The following SH2B2 variants were observed in gnomAD, a reference collection of about 807,000 sequenced individuals.
SH2B2 encodes SH2B adapter protein 2.
SH2B2 carries 37 observed loss-of-function variants against 35.7 expected under a neutral mutation model. That is an observed-to-expected ratio of 1.04 (90% CI 0.80 to 1.36). The LOEUF is 1.36. Among genes scored for constraint, SH2B2 ranks in the 40% most tolerant of loss-of-function variants. The probability of loss-of-function intolerance (pLI) is 0.00; values close to 1 mark genes in which losing one functional copy is unlikely to be tolerated. For synonymous variants in SH2B2, 383 were observed against 376.4 expected (o/e 1.02, Z -0.20); for missense variants, 852 against 817.7 (o/e 1.04, Z -0.51).
At chr7:102,286,297 CGAGATTTAT>C (rs1325326803), upstream of SH2B2, among the ~76,000 whole-genome samples, 1 of 152,108 alleles carries the variant, frequency 6.6e-6, no homozygotes, top group Non-Finnish European at 1.5e-5. Flanking sequence ...GTGGCGCCCT[CGAGATTTAT>C]GAGAACCAGG....
At chr7:102,321,235 G>A in intron 8 of SH2B2, 64 bp from the exon 9 acceptor site, 1 of 1,274,494 alleles carries the variant, frequency 7.8e-7, no homozygotes, top group East Asian at 3.4e-5. Context: ...GAGGGATCCC[G>A]GCCTCCCTGC....
Position 102,317,370 on chromosome 7 carries a change from C to A in SH2B2, c.1370C>A (p.Thr457Asn). Residue 457 changes from threonine (T) to asparagine (N), a missense_variant, in exon 7 of 9, where the codon ACC becomes AAC. Thr to Asn is a moderately conservative substitution (Grantham distance 65, BLOSUM62 0). Around this residue, in one of 3 missense-constraint regions of SH2B2, gnomAD observed 556 missense variants for 514.5 expected, o/e 1.08. Coordinates refer to ENST00000444095, the MANE Select transcript of SH2B2 (RefSeq NM_001359228.2). Reference protein sequence around the residue: ...SETRPGEYVLTFNFQGKAKHL... With the variant: ...SETRPGEYVLNFNFQGKAKHL... ...ACTCGGCCTGGGGAGTACGTGCTGA[C>A]CTTCAACTTCCAGGGCAAGGCCAAG... 1 of 1,589,698 alleles carries A rather than the reference C, an allele frequency of 6.3e-7. No individual in the cohort carries two copies. Among genetic ancestry groups the A allele is most frequent in the Admixed American group, 1.7e-5 (1 of 59,060 alleles).
chr7:102,308,967 T>C, intron 4 of SH2B2, 61 bp downstream of exon 4: 1 of 1,324,280 alleles, frequency 7.6e-7, no homozygotes, highest in Non-Finnish European at 1.1e-6. Flanking sequence ...GGTCCAGCCT[T>C]CACCAGGAGC....
intron 7 of SH2B2, 36 bp from the exon 8 acceptor site, chr7:102,320,295 G>A (rs782777611): frequency 1.7e-5 from 26 of 1,569,618 alleles, no homozygotes; most frequent in Middle Eastern, 1.7e-4. Context: ...GCCCAGCCCC[G>A]GACCTGCCCC....
rs1248211840 is a variant in SH2B2, at chr7:102,319,796, G to C, written c.1396-535G>C. On this transcript the variant is annotated intron_variant, in intron 7 of 8. Coordinates refer to ENST00000444095, the MANE Select transcript of SH2B2 (RefSeq NM_001359228.2). The stretch of plus-strand genomic sequence containing the variant: ...CTCACACAGGCCCTAGAGACCTAGA[G>C]AGAAGCCAGCCCTGTTCCAGCTGTT... Among the ~76,000 whole-genome samples, 11 of 152,286 alleles carry C rather than the reference G, an allele frequency of 7.2e-5. No homozygotes were observed. The East Asian group carries it at 2.1e-3, about 29-fold the overall frequency.
intron 6 of SH2B2, 46 bp from the exon 7 acceptor site, chr7:102,317,141 C>A: frequency 6.8e-7 from 1 of 1,461,328 alleles, no homozygotes; most frequent in Non-Finnish European, 9.3e-7. Flanking sequence ...ATTTGTCCCC[C>A]TTTCTCCTTC....
chr7:102,316,500 T>C (rs1793833295), intron 6 of SH2B2, among the ~76,000 whole-genome samples: 3 of 151,834 alleles, frequency 2.0e-5, no homozygotes, highest in Admixed American at 2.0e-4. Context: ...GGCAGGAGAA[T>C]CACTAGAACC....
intron 2 of SH2B2, among the ~76,000 whole-genome samples, chr7:102,304,782 C>T (rs1235439853): frequency 6.6e-6 from 1 of 152,350 alleles, no homozygotes; most frequent in African/African-American, 2.4e-5. Flanking sequence ...CCCCGCTGGC[C>T]GGCACGATGG....
intron 7 of SH2B2, 92 bp downstream of exon 7, chr7:102,317,487 G>A: frequency 8.3e-7 from 1 of 1,207,620 alleles, no homozygotes; most frequent in Non-Finnish European, 1.1e-6. Flanking sequence ...TGCCCTGGAA[G>A]CAGCTGCAGG....
intron 4 of SH2B2, among the ~76,000 whole-genome samples, chr7:102,313,338 C>T (rs1024670489): frequency 6.6e-6 from 1 of 151,696 alleles, no homozygotes; most frequent in Admixed American, 6.6e-5. Flanking sequence ...ATCCCAGCTA[C>T]TCAGGAGGCT....
chr7:102,312,528 T>C (rs1793666855), intron 4 of SH2B2, among the ~76,000 whole-genome samples: 1 of 152,190 alleles, frequency 6.6e-6, no homozygotes, highest in African/African-American at 2.4e-5. Flanking sequence ...AGATTCTTCT[T>C]GGCCTCTCTG....
Position 102,297,420 on chromosome 7 carries a change from C to T in SH2B2, c.-29-3102C>T, listed in dbSNP as rs1381105285. On this transcript the variant is annotated intron_variant, in intron 1 of 8. Coordinates refer to ENST00000444095, the MANE Select transcript of SH2B2 (RefSeq NM_001359228.2). This position sits in a 1 kb window ranked among gnomAD's most constrained non-coding sequence, Gnocchi z 4.3. ...ACACACACACACACACACACACACACACACACACACGCAGTATACAGAGGT... is the reference window on the plus strand; with the variant it reads ...ACACACACACACACACACACACACATACACACACACGCAGTATACAGAGGT... Among the ~76,000 whole-genome samples, 3 of 151,902 alleles carry T rather than the reference C, an allele frequency of 2.0e-5. No individual in the cohort carries two copies. The highest frequency in any genetic ancestry group is 4.4e-5 in the Non-Finnish European group (3 of 67,978).
chr7:102,293,015 G>T (rs1407005973), intron 1 of SH2B2: 2 of 152,940 alleles, frequency 1.3e-5, no homozygotes, highest in East Asian at 1.9e-4. Context: ...GAGGTGGGGG[G>T]TGCCAGCTGG....
At position 102,302,093 on chromosome 7, in the gene SH2B2, A is replaced by G. The variant is rs140217558; in HGVS notation, c.729+814A>G. On this transcript the variant is annotated intron_variant, in intron 2 of 8. Transcript: ENST00000444095. Reference sequence around the variant, plus strand: ...CAAGTGGTCTGGAACTCCTGAGCTCAAGAGATCCTCCCCCACCTTGGCCTC... The same window carrying G: ...CAAGTGGTCTGGAACTCCTGAGCTCGAGAGATCCTCCCCCACCTTGGCCTC... Among the ~76,000 whole-genome samples, 865 of 152,314 alleles carry G rather than the reference A, an allele frequency of 5.7e-3. 8 individuals carry two copies. Among genetic ancestry groups the G allele is most frequent in the African/African-American group, 0.02 (816 of 41,580 alleles).
In SH2B2 at chr7:102,320,465, C is replaced by T. The variant is rs1554558179; in HGVS notation, c.1530C>T (p.Thr510=). ...AGTCAGGGGGCTCGGCCGACATCAC[C>T]CTTCGCAGCTATGTGCGGGCCCAGG... is the stretch of plus-strand genomic sequence containing the variant. The part of the protein sequence containing the change: ...PLESGGSADI[T]LRSYVRAQDP... The change falls in exon 8 of 9, where the codon ACC becomes ACT. Residue 510 remains threonine (T), a synonymous_variant. Transcript: ENST00000444095. The T allele has an allele frequency of 6.2e-7, 1 of 1,613,702 alleles. No individual in the cohort carries two copies.
chr7:102,297,772 C>CT lies in SH2B2; in HGVS notation c.-29-2748dup, dbSNP rs1313404023. 6.6e-6 allele frequency among the ~76,000 whole-genome samples: 1 copy of CT among 151,996 alleles called. No individual in the cohort carries two copies. The highest frequency in any genetic ancestry group is 2.4e-5 in the African/African-American group (1 of 41,352). On this transcript the variant is annotated intron_variant, in intron 1 of 8. Transcript: ENST00000444095. This position sits in a 1 kb window ranked among gnomAD's most constrained non-coding sequence, Gnocchi z 4.3. The stretch of plus-strand genomic sequence containing the variant: ...CTTCTAGGACTGGCAAAATCCCTGC[C>CT]TTGTGAAACTGGCATTCTCGGGGGA...
intron 7 of SH2B2, 54 bp from the exon 8 acceptor site, chr7:102,320,277 A>G (rs1356866292): frequency 6.9e-7 from 1 of 1,452,980 alleles, no homozygotes; most frequent in Non-Finnish European, 9.5e-7. Flanking sequence ...AAAGGCGCTT[A>G]CCCAGGTGCC....
intron 6 of SH2B2, among the ~76,000 whole-genome samples, chr7:102,315,760 AAAG>A (rs1586601835): frequency 4.4e-5 from 6 of 135,012 alleles, no homozygotes; most frequent in Admixed American, 1.5e-4. Context: ...AAAAAAAAAA[AAAG>A]AAAAGAAAAG....
intron 1 of SH2B2, among the ~76,000 whole-genome samples, chr7:102,299,197 C>CTATTTTTTTTTTTTTTTTTTTTT (rs1793047629): frequency 4.1e-5 from 1 of 24,630 alleles, no homozygotes; most frequent in African/African-American, 2.0e-4. Context: ...CCGCGCCTGG[C>CTATTTTTTTTTTTTTTTTTTTTT]TTTTTTTTTT....
Sources: allele counts gnomAD v4.1 joint callset (sites outside exome capture counted in the v4.1 genomes callset), GRCh38; gene constraint gnomAD v4.1.1; regional missense constraint gnomAD v4.1.1; non-coding constraint Gnocchi (gnomAD v3.1); transcripts MANE v1.5; gene names NCBI Gene and HGNC (gene_info 2026-07-23, HGNC 2026-07-21).